ERBB4: variants seen among roughly 807,000 people sequenced by gnomAD.
ERBB4 encodes the protein erb-b2 receptor tyrosine kinase 4.
Under a neutral mutation model 158.0 loss-of-function variants are expected in ERBB4, and 42 were observed. That is an observed-to-expected ratio of 0.27 (90% CI 0.21 to 0.34). The LOEUF (loss-of-function observed/expected upper bound fraction) is 0.34. Among genes scored for constraint, ERBB4 ranks in the 10% least tolerant of loss-of-function variants. The pLI is 1.00. For missense variants in ERBB4, 1,333 were observed against 1,624.1 expected, an observed-to-expected ratio of 0.82 and a Z score of 3.08; for synonymous variants, 583 against 558.7, an observed-to-expected ratio of 1.04 and a Z score of -0.61.
Position 212,491,750 on chromosome 2 carries a change from T to G in ERBB4, c.82+46699A>C, listed in dbSNP as rs1202801100. Among the ~76,000 whole-genome samples the G allele has an allele frequency of 4.6e-5, 7 of 151,646 alleles. No homozygotes were observed. The East Asian group carries it at 1.4e-3, about 29-fold the overall frequency. ...ATGCTCATCCCTCAGTTTCTACGATTTCTTCTAATTTACAAACTTAGGTGC... is the reference window on the plus strand; with the variant it reads ...ATGCTCATCCCTCAGTTTCTACGATGTCTTCTAATTTACAAACTTAGGTGC... On this transcript the variant is annotated intron_variant, in intron 1 of 27. Coordinates refer to ENST00000342788, the MANE Select transcript of ERBB4 (RefSeq NM_005235.3).
chr2:211,489,664 G>C (rs2065290151), intron 20 of ERBB4, among the ~76,000 whole-genome samples: 2 of 151,674 alleles, frequency 1.3e-5, no homozygotes, highest in Admixed American at 1.3e-4. Context: ...TAAAATTAAA[G>C]GTAAAAGTGA....
chr2:212,303,511 T>C (rs527506870), intron 1 of ERBB4, among the ~76,000 whole-genome samples: 21 of 151,602 alleles, frequency 1.4e-4, no homozygotes, highest in Non-Finnish European at 2.5e-4. Context: ...TGTTTAATAC[T>C]GCTTAAGCCC....
intron 21 of ERBB4, among the ~76,000 whole-genome samples, chr2:211,430,392 T>C (rs146537064): frequency 6.6e-6 from 1 of 152,212 alleles, no homozygotes; most frequent in Non-Finnish European, 1.5e-5. Flanking sequence ...GACTAAGGCA[T>C]GGATTGAAAC....
chr2:211,739,992 T>C (rs1321237580), intron 5 of ERBB4, among the ~76,000 whole-genome samples: 1 of 152,230 alleles, frequency 6.6e-6, no homozygotes, highest in Non-Finnish European at 1.5e-5. Flanking sequence ...TATCAGCAAC[T>C]AGTTGTTAAC....
At chr2:211,939,850 G>A (rs1174781982) in intron 3 of ERBB4, among the ~76,000 whole-genome samples, 2 of 151,832 alleles carry the variant, frequency 1.3e-5, no homozygotes, top group Non-Finnish European at 2.9e-5. Flanking sequence ...GGGAGGTTGA[G>A]GCAGGAGAAT....
At chr2:211,686,428 G>A (rs891004297) in intron 12 of ERBB4, among the ~76,000 whole-genome samples, 12 of 152,074 alleles carry the variant, frequency 7.9e-5, no homozygotes, top group African/African-American at 2.2e-4. Context: ...TGTGCCAATC[G>A]TATATCCCTG....
rs11451976 is a variant in ERBB4, at chr2:212,307,372, C to CAAAA, written c.83-182473_83-182470dup. ...AAAAATAAATCATGCTGACTATTGG[C>CAAAA]AAAAAAAAAAGAGGAAATTTTAACT... On this transcript the variant is annotated intron_variant, in intron 1 of 27. Coordinates refer to ENST00000342788, the MANE Select transcript of ERBB4 (RefSeq NM_005235.3). Among the ~76,000 whole-genome samples, 153 of 147,002 alleles carry CAAAA rather than the reference C, an allele frequency of 1.0e-3. 2 individuals are homozygous for CAAAA. The highest frequency in any genetic ancestry group is 3.6e-3 in the African/African-American group (145 of 40,342).
intron 1 of ERBB4, among the ~76,000 whole-genome samples, chr2:212,374,733 G>A (rs1036456062): frequency 1.3e-5 from 2 of 151,934 alleles, no homozygotes; most frequent in African/African-American, 4.8e-5. Flanking sequence ...GTTCCTATTA[G>A]TTTGTCCTCG....
chr2:211,811,144 GCT>G (rs2076745370), intron 3 of ERBB4, among the ~76,000 whole-genome samples: 1 of 152,142 alleles, frequency 6.6e-6, no homozygotes, highest in Non-Finnish European at 1.5e-5. Context: ...TTTTGCAGTG[GCT>G]CGTACTGGTT....
intron 1 of ERBB4, among the ~76,000 whole-genome samples, chr2:212,216,983 C>CGTATGTG (rs2105941579): frequency 6.6e-6 from 1 of 151,512 alleles, no homozygotes; most frequent in East Asian, 1.9e-4. Context: ...TTGCAATATC[C>CGTATGTG]TTCACATGTA....
At chr2:211,842,498 A>G (rs1300302660) in intron 3 of ERBB4, among the ~76,000 whole-genome samples, 1 of 133,416 alleles carries the variant, frequency 7.5e-6, no homozygotes, top group African/African-American at 2.5e-5. Context: ...GTAGTCTCAA[A>G]TAACACATTT....
At chr2:211,789,903 G>A (rs556536108) in intron 3 of ERBB4, among the ~76,000 whole-genome samples, 16 of 151,910 alleles carry the variant, frequency 1.1e-4, no homozygotes, top group Non-Finnish European at 1.9e-4. Context: ...GATTAGTTTT[G>A]ATATTGTAGT....
intron 20 of ERBB4, among the ~76,000 whole-genome samples, chr2:211,499,357 T>C (rs2065557577): frequency 6.6e-6 from 1 of 152,044 alleles, no homozygotes; most frequent in East Asian, 1.9e-4. Flanking sequence ...ACCCCATCTC[T>C]ACTAAAATAC....
intron 20 of ERBB4, among the ~76,000 whole-genome samples, chr2:211,492,369 T>C (rs1371763993): frequency 6.6e-6 from 1 of 152,128 alleles, no homozygotes; most frequent in African/African-American, 2.4e-5. Flanking sequence ...TTGGATGAAG[T>C]ACTGCATTTA....
intron 1 of ERBB4, among the ~76,000 whole-genome samples, chr2:212,187,103 C>G (rs1460634135): frequency 6.6e-6 from 1 of 152,056 alleles, no homozygotes; most frequent in Non-Finnish European, 1.5e-5. Flanking sequence ...GTTTACTTGA[C>G]TCTACTGTTA....
intron 1 of ERBB4, among the ~76,000 whole-genome samples, chr2:212,512,700 G>T (rs1691592408): frequency 6.6e-6 from 1 of 152,076 alleles, no homozygotes; most frequent in Non-Finnish European, 1.5e-5. Context: ...TCAAATACTA[G>T]TTTGATAGGG....
chr2:211,691,280 C>T (rs1354913174), intron 12 of ERBB4, among the ~76,000 whole-genome samples: 1 of 152,016 alleles, frequency 6.6e-6, no homozygotes, highest in Non-Finnish European at 1.5e-5. Flanking sequence ...TATCTTCTTT[C>T]AGGATTGTGA....
At chr2:212,110,203 C>T (rs193178594) in intron 2 of ERBB4, among the ~76,000 whole-genome samples, 8 of 152,224 alleles carry the variant, frequency 5.3e-5, no homozygotes, top group Non-Finnish European at 8.8e-5. Context: ...TCAAAGGATT[C>T]GAAAAATCTA....
intron 1 of ERBB4, among the ~76,000 whole-genome samples, chr2:212,179,504 G>A (rs2081786220): frequency 1.3e-5 from 2 of 151,458 alleles, no homozygotes; most frequent in South Asian, 4.1e-4. Context: ...CTAGGAGAGA[G>A]GAATAACAAA....
Sources: allele counts gnomAD v4.1 joint callset (sites outside exome capture counted in the v4.1 genomes callset), GRCh38; gene constraint gnomAD v4.1.1; transcripts MANE v1.5; gene names NCBI Gene and HGNC (gene_info 2026-07-23, HGNC 2026-07-21).